RTL9: variants seen among roughly 807,000 people sequenced by gnomAD.
The protein encoded by RTL9 is retrotransposon Gag like 9.
A neutral mutation model predicts 44.7 loss-of-function variants in RTL9; 19 were observed. That is an observed-to-expected ratio of 0.42 (90% CI 0.30 to 0.62). The LOEUF (loss-of-function observed/expected upper bound fraction) is 0.62, where lower values mean the gene tolerates loss of function less well. Among genes scored for constraint, RTL9 ranks in the 20% least tolerant of loss-of-function variants. RTL9 has a pLI of 0.16. For missense variants in RTL9, 1,105 were observed against 1,080.6 expected (o/e 1.02, Z -0.32); for synonymous variants, 407 against 398.9 (o/e 1.02, Z -0.24).
intron 1 of RTL9, among the ~76,000 whole-genome samples, chrX:110,424,317 C>T (rs1244458692): frequency 9.0e-6 from 1 of 111,694 alleles, no homozygotes; most frequent in Non-Finnish European, 1.9e-5. Context: ...GCTGCTGTTG[C>T]TGCTGCTACT....
chrX:110,404,593 T>C (rs1361440205), intron 1 of RTL9, among the ~76,000 whole-genome samples: 2 of 112,095 alleles, frequency 1.8e-5, no homozygotes, highest in Admixed American at 1.9e-4. Flanking sequence ...TAGGCACCTG[T>C]ATACAAAAAC....
chrX:110,441,483 A>G (rs2068879376), intron 1 of RTL9, among the ~76,000 whole-genome samples: 1 of 112,269 alleles, frequency 8.9e-6, no homozygotes, highest in Non-Finnish European at 1.9e-5. Context: ...CAGTTTTCCC[A>G]TCTGTCAAGT....
At chrX:110,380,095 G>A (rs2068408222) in intron 1 of RTL9, among the ~76,000 whole-genome samples, 1 of 111,515 alleles carries the variant, frequency 9.0e-6, no homozygotes, top group African/African-American at 3.3e-5. Flanking sequence ...TCTGGTACAG[G>A]TGGTGTTTCA....
At chrX:110,360,178 T>C (rs2068254061) in intron 1 of RTL9, among the ~76,000 whole-genome samples, 1 of 110,768 alleles carries the variant, frequency 9.0e-6, no homozygotes, top group Non-Finnish European at 1.9e-5. Flanking sequence ...GCACTAGGTA[T>C]TGGGGGCACA....
intron 1 of RTL9, among the ~76,000 whole-genome samples, chrX:110,438,319 A>G (rs927823405): frequency 3.6e-5 from 4 of 111,863 alleles, no homozygotes; most frequent in African/African-American, 1.3e-4. Flanking sequence ...GGATGGAGAG[A>G]TTGGAAAGGC....
chrX:110,455,356 C>T lies in RTL9; in HGVS notation c.*35C>T, dbSNP rs16986013. On this transcript the variant is annotated 3_prime_UTR_variant, in exon 2 of 2. Coordinates refer to ENST00000540313, the Ensembl canonical transcript of RTL9. ...GAATCTTCTCCTGTGATATCTGACT[C>T]GACCGCTAACTGGAGGACTGGTTCC... 6,107 of 1,196,128 alleles carry T rather than the reference C, an allele frequency of 5.1e-3. 214 individuals carry two copies. The African/African-American group carries it at 0.094, about 18-fold the overall frequency.
chrX:110,443,483 G>A (rs929173086), intron 1 of RTL9, among the ~76,000 whole-genome samples: 2 of 112,343 alleles, frequency 1.8e-5, no homozygotes, highest in Non-Finnish European at 3.8e-5. Flanking sequence ...GGCAAGTACT[G>A]TGTACTGTGC....
In RTL9 at chrX:110,452,123, G is replaced by A. The variant is rs1209226879; in HGVS notation, c.1506G>A (p.Arg502=). ...CTGGAAAGATGTCCACGCCACTGAG[G>A]AGAGCTCCAACTTCTGGAGCAATGT... is the stretch of plus-strand genomic sequence containing the variant. Residue 502 remains arginine (R), a synonymous_variant, in exon 1 of 2, where the codon AGG becomes AGA. Coordinates refer to ENST00000540313, the Ensembl canonical transcript of RTL9. 13 of 1,209,764 alleles carry A rather than the reference G, an allele frequency of 1.1e-5. No homozygotes were observed. The African/African-American group carries it at 1.4e-4, about 13-fold the overall frequency.
intron 1 of RTL9, among the ~76,000 whole-genome samples, chrX:110,362,840 T>C (rs1024679075): frequency 8.9e-6 from 1 of 112,108 alleles, no homozygotes; most frequent in Non-Finnish European, 1.9e-5. Context: ...AAACATTCAC[T>C]ACGTATGTGG....
intron 1 of RTL9, among the ~76,000 whole-genome samples, chrX:110,397,518 G>T (rs1039210596): frequency 9.0e-6 from 1 of 110,622 alleles, no homozygotes; most frequent in African/African-American, 3.3e-5. Context: ...CCATTCCTTG[G>T]CTAGAACCTC....
chrX:110,359,798 A>C lies in RTL9; in HGVS notation c.-168+882A>C, dbSNP rs756749790. Among the ~76,000 whole-genome samples the C allele has an allele frequency of 6.3e-5, 7 of 111,833 alleles. No individual in the cohort carries two copies. In the South Asian group the frequency reaches 2.7e-3, roughly 43 times the overall value. ...ATAGCAGCACATATACTAAGTGCCAAATGAGTGGTCTGGTCACATCATACA... is the reference window on the plus strand; with the variant it reads ...ATAGCAGCACATATACTAAGTGCCACATGAGTGGTCTGGTCACATCATACA... On this transcript the variant is annotated intron_variant, in intron 1 of 2. Transcript: ENST00000520821.
At chrX:110,425,205 G>A (rs1320513202) in intron 1 of RTL9, among the ~76,000 whole-genome samples, 1 of 112,734 alleles carries the variant, frequency 8.9e-6, no homozygotes, top group African/African-American at 3.2e-5. Context: ...ATAGCAATTA[G>A]TAGGTAGAAA....
upstream of RTL9, among the ~76,000 whole-genome samples, chrX:110,449,020 GA>G (rs1436132814): frequency 9.1e-6 from 1 of 110,196 alleles, no homozygotes; most frequent in East Asian, 2.9e-4. Context: ...GTGTCAGCAG[GA>G]GGCCAGCATT....
At chrX:110,386,910 T>C (rs941362469) in intron 1 of RTL9, among the ~76,000 whole-genome samples, 4 of 112,262 alleles carry the variant, frequency 3.6e-5, no homozygotes, top group African/African-American at 1.3e-4. Flanking sequence ...TAAATAATTA[T>C]AACATGTTTA....
At chrX:110,359,621 C>G (rs958708671) in intron 1 of RTL9, among the ~76,000 whole-genome samples, 4 of 111,598 alleles carry the variant, frequency 3.6e-5, no homozygotes, top group African/African-American at 1.3e-4. Context: ...ATTTAACTAT[C>G]TATTCATTAA....
At chrX:110,426,531 G>T (rs757189981) in intron 1 of RTL9, 5 of 112,290 alleles carry the variant, frequency 4.5e-5, no homozygotes, top group South Asian at 3.7e-4. Flanking sequence ...TGCTTTGTTG[G>T]TTATGTAAGA....
chrX:110,426,002 GCA>G (rs201141674), intron 1 of RTL9, among the ~76,000 whole-genome samples: 116 of 107,173 alleles, frequency 1.1e-3, no homozygotes, highest in Non-Finnish European at 1.6e-3. Context: ...ACACACAAAC[GCA>G]CACACACACA....
intron 1 of RTL9, among the ~76,000 whole-genome samples, chrX:110,410,100 T>C (rs999698786): frequency 2.8e-4 from 31 of 111,741 alleles, no homozygotes; most frequent in Admixed American, 2.0e-3. Context: ...ACTGACTTTC[T>C]CGTTTTATGG....
At chrX:110,372,120 GC>G (rs1383065041) in intron 1 of RTL9, among the ~76,000 whole-genome samples, 1 of 111,539 alleles carries the variant, frequency 9.0e-6, no homozygotes, top group Non-Finnish European at 1.9e-5. Flanking sequence ...AACATTTCTT[GC>G]AACACTCTGT....
Sources: gnomAD v4.1 joint callset for allele counts (sites outside exome capture counted in the v4.1 genomes callset) on GRCh38, gnomAD v4.1.1 for gene constraint, MANE v1.5 for transcripts, NCBI Gene and HGNC (gene_info 2026-07-23, HGNC 2026-07-21) for gene names.